CDS1: variants seen among roughly 807,000 people sequenced by gnomAD.
CDS1 encodes CDP-diacylglycerol synthase 1.
Under a neutral mutation model 62.1 loss-of-function variants are expected in CDS1, and 41 were observed. The ratio of observed to expected loss-of-function variants is 0.66; its 90% CI spans 0.51 to 0.86. The LOEUF (loss-of-function observed/expected upper bound fraction) is 0.86. Ranked by LOEUF, CDS1 falls within the 40% of genes least tolerant of loss-of-function variation. CDS1 has a pLI of 0.00. For synonymous variants in CDS1, 185 were observed against 192.6 expected, an observed-to-expected ratio of 0.96 and a Z score of 0.32; for missense variants, 470 against 550.1, an observed-to-expected ratio of 0.85 and a Z score of 1.46.
intron 3 of CDS1, among the ~76,000 whole-genome samples, chr4:84,616,738 T>C (rs1233849810): frequency 6.6e-6 from 1 of 152,214 alleles, no homozygotes; most frequent in Non-Finnish European, 1.5e-5. Flanking sequence ...CTTTGAGTCT[T>C]GGAATCGACA....
At position 84,586,662 on chromosome 4, in the gene CDS1, G is replaced by C. The variant is rs377096797; in HGVS notation, c.117+3144G>C. Among the ~76,000 whole-genome samples, 5 of 152,306 alleles carry C rather than the reference G, an allele frequency of 3.3e-5. No individual in the cohort carries two copies. The East Asian group carries it at 7.7e-4, about 24-fold the overall frequency. On this transcript the variant is annotated intron_variant, in intron 1 of 12. Coordinates refer to ENST00000295887, the MANE Select transcript of CDS1 (RefSeq NM_001263.4). ...GCCCAGTTCCTAACAGGCCGGTACTGGTCTGTGGCCTGGGGGTTGGGGACC... is the reference window on the plus strand; with the variant it reads ...GCCCAGTTCCTAACAGGCCGGTACTCGTCTGTGGCCTGGGGGTTGGGGACC...
At chr4:84,640,802 G>T (rs748777541) in intron 9 of CDS1, 36 bp from the exon 10 acceptor site, 3 of 1,465,766 alleles carry the variant, frequency 2.0e-6, no homozygotes, top group Non-Finnish European at 2.7e-6. Flanking sequence ...CTTTTGCTTT[G>T]TTTTTTGTTT....
intron 1 of CDS1, among the ~76,000 whole-genome samples, chr4:84,598,959 C>T (rs1722837778): frequency 6.6e-6 from 1 of 152,164 alleles, no homozygotes; most frequent in South Asian, 2.1e-4. Context: ...AGTTCTCTTT[C>T]CTGGACTGCT....
intron 1 of CDS1, among the ~76,000 whole-genome samples, chr4:84,593,497 G>GT (rs897835374): frequency 8.5e-5 from 11 of 128,896 alleles, no homozygotes; most frequent in East Asian, 2.8e-4. Flanking sequence ...CAGTTACAAG[G>GT]TTTTTTTTGT....
At chr4:84,622,764 G>C (rs1723730288) in intron 5 of CDS1, among the ~76,000 whole-genome samples, 1 of 152,002 alleles carries the variant, frequency 6.6e-6, no homozygotes, top group Non-Finnish European at 1.5e-5. Context: ...GTAAGTAATA[G>C]GCCTGTTTCT....
chr4:84,637,164 A>G (rs1724237519), intron 8 of CDS1, among the ~76,000 whole-genome samples: 1 of 152,158 alleles, frequency 6.6e-6, no homozygotes, highest in East Asian at 1.9e-4. Context: ...GTATAAGGAT[A>G]CTGGTAAGCA....
At chr4:84,626,227 G>T (rs755795595) in intron 5 of CDS1, among the ~76,000 whole-genome samples, 5 of 152,030 alleles carry the variant, frequency 3.3e-5, no homozygotes, top group Non-Finnish European at 7.4e-5. Context: ...CAGGCTGATC[G>T]TAGAACCCAA....
chr4:84,601,415 A>C (rs1722932763), intron 1 of CDS1, among the ~76,000 whole-genome samples: 1 of 152,168 alleles, frequency 6.6e-6, no homozygotes, highest in Non-Finnish European at 1.5e-5. Flanking sequence ...GTTGAATTTC[A>C]AATGATGCCA....
chr4:84,611,234 C>G (rs1208007122), intron 3 of CDS1, among the ~76,000 whole-genome samples: 1 of 152,234 alleles, frequency 6.6e-6, no homozygotes, highest in East Asian at 1.9e-4. Context: ...TCATCAAGCA[C>G]TTAGGCAGTG....
intron 11 of CDS1, among the ~76,000 whole-genome samples, chr4:84,644,052 C>T (rs1438956282): frequency 1.3e-5 from 2 of 152,120 alleles, no homozygotes; most frequent in Non-Finnish European, 2.9e-5. Flanking sequence ...TGAGCAAGAA[C>T]AGTGTGGCTG....
chr4:84,622,827 C>T (rs1037160786), intron 5 of CDS1, among the ~76,000 whole-genome samples: 1 of 151,546 alleles, frequency 6.6e-6, no homozygotes, highest in Non-Finnish European at 1.5e-5. Flanking sequence ...TACTTTACTT[C>T]TTCATATTCA....
At position 84,639,008 on chromosome 4, in the gene CDS1, AT is replaced by A; in HGVS notation, c.879+21del. 1 of 1,364,318 alleles carries A rather than the reference AT, an allele frequency of 7.3e-7. No individual in the cohort carries two copies. The highest frequency in any genetic ancestry group is 1.0e-6 in the Non-Finnish European group (1 of 994,358). The allele number at this position is 1,364,318 out of a possible 1,614,324, so 84.5% of individuals were successfully genotyped here. A position where few individuals can be genotyped will look rare whatever the true frequency, so the allele number is the denominator to read the frequency against. On this transcript the variant is annotated intron_variant, in intron 9 of 12. Coordinates refer to ENST00000295887, the MANE Select transcript of CDS1 (RefSeq NM_001263.4). ...TGGATTCATTGTGAGTATTACTAAG[AT>A]TTTTATTTTGTATACATTTCGAAAT...
chr4:84,601,345 G>C (rs1257192193), intron 1 of CDS1, among the ~76,000 whole-genome samples: 2 of 152,132 alleles, frequency 1.3e-5, no homozygotes, highest in Non-Finnish European at 2.9e-5. Flanking sequence ...CTTCTCCAAA[G>C]AAGGAATTAC....
At chr4:84,637,561 C>T (rs747477114) in intron 8 of CDS1, among the ~76,000 whole-genome samples, 5 of 152,104 alleles carry the variant, frequency 3.3e-5, no homozygotes, top group Admixed American at 6.6e-5. Flanking sequence ...CTCCCTGACC[C>T]AGTCACTTCC....
At chr4:84,621,989 A>C (rs1435861008) in intron 5 of CDS1, among the ~76,000 whole-genome samples, 1 of 152,208 alleles carries the variant, frequency 6.6e-6, no homozygotes, top group African/African-American at 2.4e-5. Flanking sequence ...CTTGACTCTG[A>C]TTCTGTGTTT....
At chr4:84,646,513 C>T (rs1224854033) in intron 12 of CDS1, among the ~76,000 whole-genome samples, 1 of 152,084 alleles carries the variant, frequency 6.6e-6, no homozygotes, top group East Asian at 1.9e-4. Context: ...TCATTATTTA[C>T]ATGTTTTCTG....
At chr4:84,642,614 T>G (rs1012531798) in intron 10 of CDS1, among the ~76,000 whole-genome samples, 6 of 152,212 alleles carry the variant, frequency 3.9e-5, no homozygotes, top group Non-Finnish European at 7.3e-5. Flanking sequence ...ACTTTTCCCT[T>G]ATTTTATCAT....
intron 1 of CDS1, among the ~76,000 whole-genome samples, chr4:84,595,447 TG>T (rs1211322278): frequency 6.6e-6 from 1 of 152,194 alleles, no homozygotes; most frequent in Non-Finnish European, 1.5e-5. Flanking sequence ...AGTTGCATAC[TG>T]TAGTTGTACA....
chr4:84,604,106 T>G, intron 1 of CDS1, 137 bp from the exon 2 acceptor site: 1 of 702,346 alleles, frequency 1.4e-6, no homozygotes. Flanking sequence ...GTGCTAAGAT[T>G]TTCAAGATAA....
Sources: allele counts gnomAD v4.1 joint callset (sites outside exome capture counted in the v4.1 genomes callset), GRCh38; gene constraint gnomAD v4.1.1; transcripts MANE v1.5; gene names NCBI Gene and HGNC (gene_info 2026-07-23, HGNC 2026-07-21).